The following COL23A1 variants were observed in gnomAD, a reference collection of about 807,000 sequenced individuals.
COL23A1 encodes the protein collagen alpha-1(XXIII) chain.
A neutral mutation model predicts 99.3 loss-of-function variants in COL23A1; 97 were observed. That is an observed-to-expected ratio of 0.98 (90% CI 0.83 to 1.16). COL23A1 has a LOEUF of 1.16. COL23A1 is among the 50% of genes most tolerant of loss of function. The pLI is 0.00. For missense variants in COL23A1, 762 were observed against 757.4 expected, an observed-to-expected ratio of 1.01 and a Z score of -0.07; for synonymous variants, 320 against 308.2, an observed-to-expected ratio of 1.04 and a Z score of -0.40.
chr5:178,513,067 CAGCATGCATG>C (rs1554186941), intron 2 of COL23A1, among the ~76,000 whole-genome samples: 1 of 152,200 alleles, frequency 6.6e-6, no homozygotes, highest in Non-Finnish European at 1.5e-5. Context: ...CTGCAGGGAA[CAGCATGCATG>C]AGAGAGCAGA....
chr5:178,466,613 C>T (rs111255946), intron 2 of COL23A1, among the ~76,000 whole-genome samples: 119 of 152,358 alleles, frequency 7.8e-4, no homozygotes, highest in African/African-American at 2.6e-3. Context: ...CAGGGACCCA[C>T]GTATTGCTGT....
intron 2 of COL23A1, among the ~76,000 whole-genome samples, chr5:178,424,751 T>C (rs1765818530): frequency 6.6e-6 from 1 of 152,198 alleles, no homozygotes; most frequent in African/African-American, 2.4e-5. Context: ...TGGCAAGTTA[T>C]TTATCCTCTG....
chr5:178,534,823 C>T (rs139901476), intron 2 of COL23A1, among the ~76,000 whole-genome samples: 37 of 152,178 alleles, frequency 2.4e-4, no homozygotes, highest in South Asian at 6.2e-4. Context: ...CACATGTGCA[C>T]GACCAGATTA....
chr5:178,338,642 G>A (rs1760487391), intron 2 of COL23A1, among the ~76,000 whole-genome samples: 1 of 152,144 alleles, frequency 6.6e-6, no homozygotes, highest in South Asian at 2.1e-4. Flanking sequence ...GTAAGGTGTT[G>A]CTCCTGGGTC....
At chr5:178,511,061 T>A (rs902445730) in intron 2 of COL23A1, among the ~76,000 whole-genome samples, 1 of 152,264 alleles carries the variant, frequency 6.6e-6, no homozygotes, top group Non-Finnish European at 1.5e-5. Flanking sequence ...AACTAGAAAT[T>A]ATATTTTATT....
At chr5:178,256,436 G>T in intron 14 of COL23A1, 39 bp from the exon 15 acceptor site, 1 of 1,587,376 alleles carries the variant, frequency 6.3e-7, no homozygotes, top group Non-Finnish European at 8.6e-7. Context: ...GTGCAGCTGT[G>T]AAGCCAAAAC....
At chr5:178,393,652 CTT>C (rs36102461) in intron 2 of COL23A1, among the ~76,000 whole-genome samples, 8 of 143,198 alleles carry the variant, frequency 5.6e-5, no homozygotes, top group Admixed American at 7.0e-5. Context: ...CCCTCTTTTC[CTT>C]TTTTTTTTTT....
intron 2 of COL23A1, among the ~76,000 whole-genome samples, chr5:178,388,468 C>T (rs1280072838): frequency 6.6e-6 from 1 of 152,194 alleles, no homozygotes; most frequent in African/African-American, 2.4e-5. Flanking sequence ...TTTACTTAAG[C>T]AATGCTGGTT....
chr5:178,527,798 G>A (rs1760398182), intron 2 of COL23A1, among the ~76,000 whole-genome samples: 1 of 152,230 alleles, frequency 6.6e-6, no homozygotes, highest in Non-Finnish European at 1.5e-5. Context: ...CTGGAAACCT[G>A]GCGGAAGCCT....
At chr5:178,258,553 G>A (rs1286113305) in intron 12 of COL23A1, among the ~76,000 whole-genome samples, 7 of 150,896 alleles carry the variant, frequency 4.6e-5, no homozygotes, top group Non-Finnish European at 8.9e-5. Flanking sequence ...CCGCCACCAC[G>A]CCCGGCTAAT....
intron 2 of COL23A1, among the ~76,000 whole-genome samples, chr5:178,507,644 C>A (rs1473667239): frequency 6.6e-6 from 1 of 152,202 alleles, no homozygotes; most frequent in African/African-American, 2.4e-5. Context: ...TTGAAAACTT[C>A]TTATGCCACT....
At chr5:178,404,185 C>G (rs2910133) in intron 2 of COL23A1, among the ~76,000 whole-genome samples, 84,484 of 152,080 alleles carry the variant, frequency 0.56, 24,065 homozygotes, top group African/African-American at 0.68. Flanking sequence ...CCAGTTCCGG[C>G]GTTCTCTCTT....
At chr5:178,523,205 G>T (rs56349648) in intron 2 of COL23A1, among the ~76,000 whole-genome samples, 4,863 of 82,738 alleles carry the variant, frequency 0.059, 102 homozygotes, top group Non-Finnish European at 0.081. Flanking sequence ...TATATATAGA[G>T]AGAGAGAGAG....
intron 2 of COL23A1, among the ~76,000 whole-genome samples, chr5:178,327,008 G>A (rs914719934): frequency 6.6e-6 from 1 of 152,358 alleles, no homozygotes; most frequent in East Asian, 1.9e-4. Flanking sequence ...GTGAGCCACT[G>A]CACCGGGCCA....
At chr5:178,250,194 G>A (rs779747089) in intron 17 of COL23A1, 89 bp from the exon 18 acceptor site, 24 of 1,492,996 alleles carry the variant, frequency 1.6e-5, no homozygotes, top group South Asian at 3.5e-5. Context: ...CTGTGCACCC[G>A]GCCCAGGGTG....
In COL23A1 at chr5:178,538,813, TG is replaced by T. The variant is rs201447403; in HGVS notation, c.361+21868del. Among the ~76,000 whole-genome samples, 1,047 of 152,250 alleles carry T rather than the reference TG, an allele frequency of 6.9e-3. 16 individuals carry two copies. The highest frequency in any genetic ancestry group is 0.023 in the African/African-American group (967 of 41,542). On this transcript the variant is annotated intron_variant, in intron 2 of 28. Coordinates refer to ENST00000390654, the MANE Select transcript of COL23A1 (RefSeq NM_173465.4). ...AGCACTATGCCTAATAAGCAAACAG[TG>T]GAAACCCACATGTCCATCAACTGAT... is the stretch of plus-strand genomic sequence containing the variant.
At chr5:178,448,443 G>A (rs1211034762) in intron 2 of COL23A1, among the ~76,000 whole-genome samples, 2 of 151,732 alleles carry the variant, frequency 1.3e-5, no homozygotes. Context: ...GCTAGTCGCA[G>A]TCCGTTTTGT....
chr5:178,433,045 C>G (rs1766350090), intron 2 of COL23A1, among the ~76,000 whole-genome samples: 1 of 152,042 alleles, frequency 6.6e-6, no homozygotes, highest in Admixed American at 6.6e-5. Context: ...CTCCTGACAC[C>G]AAATGCAATG....
chr5:178,347,083 C>T (rs1581194064), intron 2 of COL23A1, among the ~76,000 whole-genome samples: 1 of 152,204 alleles, frequency 6.6e-6, no homozygotes, highest in South Asian at 2.1e-4. Context: ...CTGCTTGAGG[C>T]CGCCTCCCCC....
Sources: gnomAD v4.1 joint callset for allele counts (sites outside exome capture counted in the v4.1 genomes callset) on GRCh38, gnomAD v4.1.1 for gene constraint, MANE v1.5 for transcripts, NCBI Gene and HGNC (gene_info 2026-07-23, HGNC 2026-07-21) for gene names.